Variants in GALNT9 observed in about 807,000 individuals in gnomAD.
GALNT9 encodes the protein polypeptide N-acetylgalactosaminyltransferase 9.
Under a neutral mutation model 63.1 loss-of-function variants are expected in GALNT9, and 47 were observed. The ratio of observed to expected loss-of-function variants is 0.75; its 90% CI spans 0.59 to 0.95. GALNT9 has a LOEUF of 0.95. Among genes scored for constraint, GALNT9 ranks in the 40% least tolerant of loss-of-function variants. GALNT9 has a pLI of 0.00. For missense variants in GALNT9, 829 were observed against 874.8 expected, an observed-to-expected ratio of 0.95 and a Z score of 0.66; for synonymous variants, 396 against 365.7, an observed-to-expected ratio of 1.08 and a Z score of -0.94.
intron 6 of GALNT9, chr12:132,205,334 A>T (rs1404947187): frequency 1.3e-5 from 2 of 152,052 alleles, no homozygotes; most frequent in Non-Finnish European, 2.9e-5. Context: ...GAGAGAGAGA[A>T]CCGGGAGGCC....
chr12:132,221,939 A>G (rs566244411), intron 6 of GALNT9, among the ~76,000 whole-genome samples: 119 of 152,280 alleles, frequency 7.8e-4, no homozygotes, highest in Non-Finnish European at 1.5e-3. Flanking sequence ...CTAAAATAGT[A>G]ATGGGGACAG....
intron 2 of GALNT9, among the ~76,000 whole-genome samples, chr12:132,267,773 A>ACACACGCACT (rs1879670862): frequency 2.6e-5 from 3 of 117,320 alleles, no homozygotes; most frequent in African/African-American, 1.1e-4. Context: ...ACATGCACTC[A>ACACACGCACT]CACACACGCA....
At chr12:132,240,464 G>C (rs2136898260) in intron 6 of GALNT9, 2 of 375,304 alleles carry the variant, frequency 5.3e-6, no homozygotes, top group Non-Finnish European at 1.0e-5. Flanking sequence ...TCAGAACGGA[G>C]CAAGAATAGC....
chr12:132,250,304 C>A (rs1240766770), intron 5 of GALNT9, among the ~76,000 whole-genome samples: 2 of 152,072 alleles, frequency 1.3e-5, no homozygotes, highest in Admixed American at 6.6e-5. Context: ...CGGGGAGTGG[C>A]GGCTCGTGGG....
At chr12:132,199,764 ACCTCCAG>A (rs890899433) in intron 8 of GALNT9, among the ~76,000 whole-genome samples, 6 of 152,058 alleles carry the variant, frequency 3.9e-5, no homozygotes, top group Admixed American at 6.5e-5. Flanking sequence ...CGGGCAGCCA[ACCTCCAG>A]CCTCCAGAAC....
chr12:132,295,766 G>A (rs1305732177), intron 1 of GALNT9, among the ~76,000 whole-genome samples: 6 of 152,154 alleles, frequency 3.9e-5, no homozygotes, highest in African/African-American at 1.4e-4. Flanking sequence ...TCCGAACAGC[G>A]AGAGCTTCCG....
intron 3 of GALNT9, among the ~76,000 whole-genome samples, chr12:132,261,495 G>A (rs561714809): frequency 1.8e-4 from 27 of 152,322 alleles, no homozygotes; most frequent in African/African-American, 6.5e-4. Flanking sequence ...GTGTCCTGAT[G>A]GAGCTCCCTG....
chr12:132,252,077 G>A lies in GALNT9; in HGVS notation c.960-4050C>T, dbSNP rs531271290. ...TGAGGATGGTCCCCAGCGTCTGTCT[G>A]GGAGAAAGGAGCAGGGGAGCAGGAA... is the stretch of plus-strand genomic sequence containing the variant. On this transcript the variant is annotated intron_variant, in intron 5 of 10. Transcript: ENST00000328957. This position sits in a 1 kb window ranked among gnomAD's most constrained non-coding sequence, Gnocchi z 5.2. Among the ~76,000 whole-genome samples the A allele has an allele frequency of 6.6e-6, 1 of 152,192 alleles. No homozygotes were observed. Among genetic ancestry groups the A allele is most frequent in the Non-Finnish European group, 1.5e-5 (1 of 68,042 alleles).
intron 1 of GALNT9, among the ~76,000 whole-genome samples, chr12:132,318,876 G>T (rs1210546914): frequency 6.6e-6 from 1 of 152,226 alleles, no homozygotes; most frequent in Non-Finnish European, 1.5e-5. Context: ...TCTGCCAGTG[G>T]CTGGCTAGGT....
At chr12:132,322,867 G>A (rs1868868353) in intron 1 of GALNT9, among the ~76,000 whole-genome samples, 1 of 152,242 alleles carries the variant, frequency 6.6e-6, no homozygotes, top group Non-Finnish European at 1.5e-5. Flanking sequence ...AGGGGGGACT[G>A]TCAGACTTAG....
At chr12:132,251,092 G>A (rs568793517) in intron 5 of GALNT9, among the ~76,000 whole-genome samples, 14 of 152,302 alleles carry the variant, frequency 9.2e-5, no homozygotes, top group South Asian at 6.2e-4. Context: ...AAACCTCGCC[G>A]TGCAAGACCC....
At chr12:132,243,646 C>T (rs1555237731) in intron 6 of GALNT9, among the ~76,000 whole-genome samples, 4 of 152,172 alleles carry the variant, frequency 2.6e-5, no homozygotes, top group Non-Finnish European at 5.9e-5. Context: ...TGCATAGCCC[C>T]CACTCTGCCT....
chr12:132,203,750 A>G (rs888620241), intron 6 of GALNT9, 60 bp from the exon 7 acceptor site: 3 of 1,552,994 alleles, frequency 1.9e-6, no homozygotes, highest in East Asian at 2.6e-5. Flanking sequence ...CAGCCCGGCC[A>G]GCTAGGGGCC....
chr12:132,268,105 T>TCACA (rs142014468), intron 2 of GALNT9, among the ~76,000 whole-genome samples: 20 of 146,114 alleles, frequency 1.4e-4, no homozygotes, highest in East Asian at 6.2e-4. Context: ...ACACGCGCAC[T>TCACA]CACACACACA....
intron 6 of GALNT9, among the ~76,000 whole-genome samples, chr12:132,215,391 C>G (rs10736917): frequency 1 from 152,082 of 152,368 alleles, 75,898 homozygotes; most frequent in Middle Eastern, 1. Context: ...CTGGATGCCA[C>G]TGCAGCCCGG....
chr12:132,240,540 G>A (rs1555236844), intron 6 of GALNT9: 7 of 441,928 alleles, frequency 1.6e-5, no homozygotes, highest in South Asian at 3.2e-5. Context: ...TGGGCCTGGC[G>A]TGGCCCCAGG....
intron 5 of GALNT9, among the ~76,000 whole-genome samples, chr12:132,256,998 C>T (rs1555239134): frequency 6.6e-6 from 1 of 152,110 alleles, no homozygotes; most frequent in African/African-American, 2.4e-5. Flanking sequence ...AGAGCTGGAA[C>T]GGGGGGCTTC....
At chr12:132,302,537 C>T (rs111284881) in intron 1 of GALNT9, among the ~76,000 whole-genome samples, 24 of 152,344 alleles carry the variant, frequency 1.6e-4, no homozygotes, top group South Asian at 8.3e-4. Flanking sequence ...ACTCACGGAG[C>T]GTCTGCTAAA....
At chr12:132,290,911 G>C (rs1194076021) in intron 1 of GALNT9, among the ~76,000 whole-genome samples, 1 of 44,264 alleles carries the variant, frequency 2.3e-5, no homozygotes, top group Non-Finnish European at 3.8e-5. Context: ...CACGTCCACA[G>C]CACCCACATC....
Sources: gnomAD v4.1 joint callset for allele counts (sites outside exome capture counted in the v4.1 genomes callset) on GRCh38, gnomAD v4.1.1 for gene constraint, Gnocchi (gnomAD v3.1) non-coding constraint, MANE v1.5 for transcripts, NCBI Gene and HGNC (gene_info 2026-07-23, HGNC 2026-07-21) for gene names.